The following LARGE1 variants were observed in gnomAD, a reference collection of about 807,000 sequenced individuals.
LARGE1 encodes the protein xylosyl- and glucuronyltransferase LARGE1.
A neutral mutation model predicts 87.6 loss-of-function variants in LARGE1; 43 were observed. That is an observed-to-expected ratio of 0.49 (90% CI 0.38 to 0.63). LARGE1 has a LOEUF of 0.63. Ranked by LOEUF, LARGE1 falls within the 30% of genes least tolerant of loss-of-function variation. LARGE1 has a pLI of 0.00. For synonymous variants in LARGE1, 434 were observed against 394.6 expected, an observed-to-expected ratio of 1.10 and a Z score of -1.18; for missense variants, 802 against 1,000.2, an observed-to-expected ratio of 0.80 and a Z score of 2.67.
At chr22:33,889,204 T>C (rs1425114317) in intron 1 of LARGE1, 1 of 152,242 alleles carries the variant, frequency 6.6e-6, no homozygotes, top group Non-Finnish European at 1.5e-5. Context: ...AGCCCCCTCA[T>C]TCAACAGAAA....
In LARGE1 at chr22:33,480,286, C is replaced by T. The variant is rs141273765; in HGVS notation, c.788-48021G>A. On this transcript the variant is annotated intron_variant, in intron 6 of 14. Coordinates refer to ENST00000397394, the MANE Select transcript of LARGE1 (RefSeq NM_133642.5). ...CAGAGAGTGACAGTATCAATTAATC[C>T]CTTCATGATCCTAATGTCAGAAATG... 3.0e-3 allele frequency among the ~76,000 whole-genome samples: 454 copies of T among 152,286 alleles called. 3 individuals carry two copies. The highest frequency in any genetic ancestry group is 0.02 in the South Asian group (98 of 4,820).
At chr22:33,234,673 C>G (rs1428348263) in intron 11 of LARGE1, among the ~76,000 whole-genome samples, 1 of 152,050 alleles carries the variant, frequency 6.6e-6, no homozygotes, top group African/African-American at 2.4e-5. Flanking sequence ...TCCTGAGTAG[C>G]TGGGATCACA....
At chr22:33,908,444 C>T (rs574909512) in intron 1 of LARGE1, among the ~76,000 whole-genome samples, 3 of 150,636 alleles carry the variant, frequency 2.0e-5, no homozygotes, top group African/African-American at 7.3e-5. Context: ...AAGAGCTTAC[C>T]GGGCAGGAGG....
intron 9 of LARGE1, among the ~76,000 whole-genome samples, chr22:33,366,971 G>A (rs2064618813): frequency 6.6e-6 from 1 of 152,034 alleles, no homozygotes. Context: ...CCGTCTAGGG[G>A]TACTGTTTTA....
intron 3 of LARGE1, among the ~76,000 whole-genome samples, chr22:33,634,260 G>A (rs1472168490): frequency 6.6e-6 from 1 of 152,150 alleles, no homozygotes; most frequent in Admixed American, 6.5e-5. Context: ...ATCACCTGGA[G>A]GGGCTTGTTA....
intron 12 of LARGE1, among the ~76,000 whole-genome samples, chr22:33,301,271 C>T (rs761669410): frequency 7.2e-5 from 11 of 152,008 alleles, no homozygotes; most frequent in South Asian, 2.1e-4. Context: ...TTGGGGCTTC[C>T]GAGAGAATGA....
intron 2 of LARGE1, among the ~76,000 whole-genome samples, chr22:33,662,403 C>A (rs1405116676): frequency 6.6e-6 from 1 of 152,082 alleles, no homozygotes; most frequent in African/African-American, 2.4e-5. Context: ...TTCTCGGGGC[C>A]CTCTGACATA....
chr22:33,445,743 G>A (rs938388599), intron 6 of LARGE1, among the ~76,000 whole-genome samples: 3 of 150,324 alleles, frequency 2.0e-5, no homozygotes, highest in South Asian at 2.1e-4. Flanking sequence ...TCCACCTCCC[G>A]GATTCAAGCA....
chr22:33,816,725 CA>C (rs2086663644), intron 1 of LARGE1, among the ~76,000 whole-genome samples: 1 of 149,970 alleles, frequency 6.7e-6, no homozygotes, highest in African/African-American at 2.5e-5. Context: ...GACAGACAGA[CA>C]GACAGACAGA....
At position 33,650,529 on chromosome 22, in the gene LARGE1, C is replaced by T; in HGVS notation, c.246G>A (p.Gln82=). The T allele has an allele frequency of 1.2e-6, 2 of 1,611,864 alleles. No individual in the cohort carries two copies. The highest frequency in any genetic ancestry group is 1.7e-6 in the Non-Finnish European group (2 of 1,179,984). ...VEEENRALRR[Q]LSLAQGRAPS... Reference sequence around the variant, plus strand: ...GGGCTCGGCCCTGGGCCAGGCTGAGCTGCCTGCGGAGGGCGCGGTTCTCCT... The same window carrying T: ...GGGCTCGGCCCTGGGCCAGGCTGAGTTGCCTGCGGAGGGCGCGGTTCTCCT... Residue 82 remains glutamine (Q), a synonymous_variant, in exon 3 of 15, where the codon CAG becomes CAA. Coordinates refer to ENST00000397394, the MANE Select transcript of LARGE1 (RefSeq NM_133642.5).
At chr22:33,779,184 C>T (rs4820111) in intron 1 of LARGE1, among the ~76,000 whole-genome samples, 42,783 of 152,118 alleles carry the variant, frequency 0.28, 6,639 homozygotes, top group South Asian at 0.41. Context: ...TATTAATGAT[C>T]CTAAATTTCT....
At chr22:33,651,225 C>CAAAAAAAAAAAAA (rs71187275) in intron 2 of LARGE1, among the ~76,000 whole-genome samples, 793 of 56,488 alleles carry the variant, frequency 0.014, 101 homozygotes, top group African/African-American at 0.051. Flanking sequence ...ACTAAAAATA[C>CAAAAAAAAAAAAA]AAAAAAAAAA....
chr22:33,726,410 C>T (rs1347474940), intron 2 of LARGE1, among the ~76,000 whole-genome samples: 1 of 152,212 alleles, frequency 6.6e-6, no homozygotes, highest in African/African-American at 2.4e-5. Context: ...TAGAAGATCA[C>T]TGACTTCCAG....
In LARGE1 at chr22:33,674,971, G is replaced by GA. The variant is rs55893218; in HGVS notation, c.107-24304dup. 4.8e-4 allele frequency among the ~76,000 whole-genome samples: 69 copies of GA among 145,120 alleles called. 1 individual carries two copies. The highest frequency in any genetic ancestry group is 3.5e-3 in the Middle Eastern group (1 of 284). On this transcript the variant is annotated intron_variant, in intron 2 of 14. Coordinates refer to ENST00000397394, the MANE Select transcript of LARGE1 (RefSeq NM_133642.5). ...ACATCCAGCATATAGTAGGGGCTCA[G>GA]AAAAAAAAAAAGTTTGTTTGCTTAA...
chr22:33,081,813 T>C, the LARGE1 span, among the ~76,000 whole-genome samples: 1 of 152,168 alleles, frequency 6.6e-6, no homozygotes, highest in Non-Finnish European at 1.5e-5. Context: ...AGATTTTCAT[T>C]GTCTGCAAGC....
At chr22:33,552,957 G>A (rs2077573637) in intron 6 of LARGE1, among the ~76,000 whole-genome samples, 1 of 152,136 alleles carries the variant, frequency 6.6e-6, no homozygotes, top group Non-Finnish European at 1.5e-5. Flanking sequence ...TCAAACCCAG[G>A]TCTTGGAATC....
At chr22:33,432,058 G>C in intron 7 of LARGE1, 103 bp downstream of exon 7, 2 of 880,484 alleles carry the variant, frequency 2.3e-6, no homozygotes, top group South Asian at 2.8e-5. Flanking sequence ...CAAGCAATCA[G>C]GTGGCCTCCT....
rs1156689301 is a variant in LARGE1, at chr22:33,382,422, C to T, written c.1006-378G>A. ...CCCTGTGTTACCCATCCTGAGCCTC[C>T]TGGAGAGGAAACTGCATGATGACAA... On this transcript the variant is annotated intron_variant, in intron 8 of 14. Transcript: ENST00000397394. Among the ~76,000 whole-genome samples the T allele has an allele frequency of 4.6e-5, 7 of 152,162 alleles. No individual in the cohort carries two copies. In the East Asian group the frequency reaches 1.3e-3, roughly 29 times the overall value.
intron 11 of LARGE1, among the ~76,000 whole-genome samples, chr22:33,168,114 C>T (rs1258878648): frequency 1.3e-5 from 2 of 152,108 alleles, no homozygotes; most frequent in African/African-American, 2.4e-5. Flanking sequence ...GGCTTGGACC[C>T]GTCTCTGATC....
Sources: allele counts gnomAD v4.1 joint callset (sites outside exome capture counted in the v4.1 genomes callset), GRCh38; gene constraint gnomAD v4.1.1; transcripts MANE v1.5; gene names NCBI Gene and HGNC (gene_info 2026-07-23, HGNC 2026-07-21).